MROH9: variants seen among roughly 807,000 people sequenced by gnomAD.
The protein encoded by MROH9 is maestro heat-like repeat-containing protein family member 9.
MROH9 carries 92 observed loss-of-function variants against 98.2 expected under a neutral mutation model. The ratio of observed to expected loss-of-function variants is 0.94; its 90% confidence interval spans 0.79 to 1.11. The LOEUF is 1.11. MROH9 is among the 50% of genes most tolerant of loss of function. The pLI is 0.00. For synonymous variants in MROH9, 397 were observed against 368.9 expected, an observed-to-expected ratio of 1.08 and a Z score of -0.87; for missense variants, 1,057 against 1,014.8, an observed-to-expected ratio of 1.04 and a Z score of -0.57.
chr1:170,998,261 T>C lies in MROH9; in HGVS notation c.1583T>C (p.Ile528Thr), dbSNP rs1651658020. Reference protein sequence around the residue: ...RRSEDTVIVLIFLTELLNNFF... With the variant: ...RRSEDTVIVLTFLTELLNNFF... The stretch of plus-strand genomic sequence containing the variant: ...TCAGAAGACACTGTCATCGTATTAA[T>C]ATTCCTCACTGAAGTGAGTTTTGTA... The change falls in exon 15 of 22, where the codon ATA (isoleucine) becomes ACA (threonine). Residue 528 changes from isoleucine (I) to threonine (T), a missense_variant. By Grantham distance (89) the Ile-to-Thr change is moderately conservative. Coordinates refer to ENST00000367759, the MANE Select transcript of MROH9 (RefSeq NM_001163629.2). 6.2e-7 allele frequency: 1 copy of C among 1,613,538 alleles called. No homozygotes were observed. The highest frequency in any genetic ancestry group is 1.3e-5 in the African/African-American group (1 of 75,018).
At chr1:171,008,958 ATGCACACACTAAATACATGTTT>A (rs746513543) in intron 15 of MROH9, among the ~76,000 whole-genome samples, 3 of 151,496 alleles carry the variant, frequency 2.0e-5, no homozygotes, top group Admixed American at 6.6e-5. Context: ...ACATATACAT[ATGCACACACTAAATACATGTTT>A]TATGTATTAT....
chr1:170,996,369 G>A, intron 13 of MROH9, 138 bp from the exon 14 acceptor site: 1 of 876,068 alleles, frequency 1.1e-6, no homozygotes, highest in Admixed American at 2.8e-5. Flanking sequence ...AGGACATTTA[G>A]CAATCTTTTT....
chr1:170,988,040 C>T (rs1420650123), intron 10 of MROH9, among the ~76,000 whole-genome samples: 2 of 152,232 alleles, frequency 1.3e-5, no homozygotes, highest in African/African-American at 4.8e-5. Flanking sequence ...GACTCACATA[C>T]TGTATGTCCT....
chr1:170,953,130 T>C (rs1333303775), intron 3 of MROH9, among the ~76,000 whole-genome samples: 1 of 152,138 alleles, frequency 6.6e-6, no homozygotes, highest in Non-Finnish European at 1.5e-5. Flanking sequence ...CTTAAACTAT[T>C]GTCTTATCAT....
intron 20 of MROH9, among the ~76,000 whole-genome samples, chr1:171,042,490 T>C (rs1236792546): frequency 6.6e-6 from 1 of 152,148 alleles, no homozygotes; most frequent in Non-Finnish European, 1.5e-5. Flanking sequence ...TTCCTTTCTT[T>C]TGGGTATATA....
intron 15 of MROH9, among the ~76,000 whole-genome samples, chr1:171,012,332 T>G (rs2101830047): frequency 6.6e-6 from 1 of 152,278 alleles, no homozygotes; most frequent in East Asian, 1.9e-4. Flanking sequence ...TGGTATCTAA[T>G]TTTTGTGAAG....
At chr1:170,954,485 T>A (rs1420544210) in intron 3 of MROH9, among the ~76,000 whole-genome samples, 1 of 152,124 alleles carries the variant, frequency 6.6e-6, no homozygotes, top group Non-Finnish European at 1.5e-5. Flanking sequence ...CTCTTTGATA[T>A]CCTGCTTTTA....
chr1:170,948,494 G>C (rs777605405), intron 3 of MROH9, among the ~76,000 whole-genome samples: 3 of 152,016 alleles, frequency 2.0e-5, no homozygotes, highest in Non-Finnish European at 4.4e-5. Context: ...GAGTCAGAAA[G>C]ATGCAGTTTA....
intron 8 of MROH9, among the ~76,000 whole-genome samples, chr1:170,974,087 G>A (rs971234095): frequency 1.3e-5 from 2 of 152,124 alleles, no homozygotes; most frequent in African/African-American, 4.8e-5. Context: ...TAATGAGCTT[G>A]CAGACATAGT....
chr1:171,043,603 C>T (rs1653374741), intron 20 of MROH9, among the ~76,000 whole-genome samples: 1 of 151,742 alleles, frequency 6.6e-6, no homozygotes, highest in African/African-American at 2.4e-5. Context: ...TTGATTCTTC[C>T]AATCCATGAA....
intron 16 of MROH9, 53 bp from the exon 17 acceptor site, chr1:171,016,110 C>A: frequency 7.9e-7 from 1 of 1,269,930 alleles, no homozygotes; most frequent in Non-Finnish European, 1.0e-6. Flanking sequence ...TAAATGTCAG[C>A]TCAAGTCTCC....
intron 6 of MROH9, among the ~76,000 whole-genome samples, chr1:170,964,173 C>A (rs1276942471): frequency 1.3e-5 from 2 of 151,918 alleles, no homozygotes; most frequent in Non-Finnish European, 2.9e-5. Flanking sequence ...TTCCATTTCA[C>A]AGATTTAAAA....
intron 20 of MROH9, among the ~76,000 whole-genome samples, chr1:171,035,949 T>C (rs1049688435): frequency 2.0e-5 from 3 of 152,126 alleles, no homozygotes; most frequent in East Asian, 1.9e-4. Context: ...ACAAAAGATA[T>C]GTACTAGAAT....
At chr1:170,954,081 G>C (rs950107149) in intron 3 of MROH9, among the ~76,000 whole-genome samples, 1 of 151,900 alleles carries the variant, frequency 6.6e-6, no homozygotes, top group African/African-American at 2.4e-5. Flanking sequence ...TTTGTCACCT[G>C]GATTCTTTCT....
chr1:171,046,745 C>T (rs1388158954), intron 20 of MROH9, among the ~76,000 whole-genome samples: 1 of 152,132 alleles, frequency 6.6e-6, no homozygotes, highest in Non-Finnish European at 1.5e-5. Flanking sequence ...TGTGTACTTA[C>T]TATTACCAGT....
intron 15 of MROH9, among the ~76,000 whole-genome samples, chr1:171,000,204 TA>T: frequency 6.6e-6 from 1 of 152,104 alleles, no homozygotes; most frequent in East Asian, 1.9e-4. Context: ...CTCAGCTATT[TA>T]TTTTTGTTTT....
chr1:171,062,193 T>G lies in MROH9; in HGVS notation c.2343T>G (p.Asp781Glu). ...LLRDEIEVML[D>E]VIERLLRDED... ...GAGATGAAATCGAAGTCATGCTTGA[T>G]GGTGAGTATTGAGGTTATAACAAAA... The change falls in exon 21 of 22, where the codon GAT (aspartate) becomes GAG (glutamate). Residue 781 changes from aspartate (D) to glutamate (E), a missense_variant and splice_region_variant. Transcript: ENST00000367759. The G allele has an allele frequency of 6.5e-7, 1 of 1,545,248 alleles. No homozygotes were observed. Among genetic ancestry groups the G allele is most frequent in the Non-Finnish European group, 8.8e-7 (1 of 1,141,444 alleles).
chr1:171,058,806 A>T (rs940168786), intron 20 of MROH9, among the ~76,000 whole-genome samples: 5 of 152,228 alleles, frequency 3.3e-5, no homozygotes, highest in Admixed American at 1.3e-4. Context: ...AGAAAACTGA[A>T]ACTGGACCCT....
At position 170,981,725 on chromosome 1, in the gene MROH9, CT is replaced by C. The variant is rs1166769505; in HGVS notation, c.617-1688del. Among the ~76,000 whole-genome samples, 18 of 138,306 alleles carry C rather than the reference CT, an allele frequency of 1.3e-4. No individual in the cohort carries two copies. In the South Asian group the frequency reaches 2.9e-3, roughly 22 times the overall value. The allele number at this position is 138,306 out of a possible 152,430, so 90.7% of individuals were successfully genotyped here. On this transcript the variant is annotated intron_variant, in intron 8 of 21. Transcript: ENST00000367759. ...CGTTCTGCACATGTATCCCCTTCCGCTTTTTTTTTAGAAGAAATAAAAAAAA... is the reference window on the plus strand; with the variant it reads ...CGTTCTGCACATGTATCCCCTTCCGCTTTTTTTTAGAAGAAATAAAAAAAA...
Sources: gnomAD v4.1 joint callset for allele counts (sites outside exome capture counted in the v4.1 genomes callset) on GRCh38, gnomAD v4.1.1 for gene constraint, MANE v1.5 for transcripts, NCBI Gene and HGNC (gene_info 2026-07-23, HGNC 2026-07-21) for gene names.